Variants in PCSK6 observed in about 807,000 individuals in gnomAD.
PCSK6 encodes the protein proprotein convertase subtilisin/kexin type 6, also known as paired basic amino acid cleaving enzyme 4.
A neutral mutation model predicts 123.3 loss-of-function variants in PCSK6; 85 were observed. The ratio of observed to expected loss-of-function variants is 0.69; its 90% CI spans 0.58 to 0.83. The LOEUF (loss-of-function observed/expected upper bound fraction) is 0.83. Ranked by LOEUF, PCSK6 falls within the 40% of genes least tolerant of loss-of-function variation. The pLI is 0.00. For missense variants in PCSK6, 1,191 were observed against 1,282.3 expected, an observed-to-expected ratio of 0.93 and a Z score of 1.09; for synonymous variants, 508 against 516.0, an observed-to-expected ratio of 0.98 and a Z score of 0.21.
intron 11 of PCSK6, among the ~76,000 whole-genome samples, chr15:101,371,515 G>A (rs1221059261): frequency 6.6e-6 from 1 of 152,220 alleles, no homozygotes; most frequent in Non-Finnish European, 1.5e-5. Context: ...ATTGAAAATA[G>A]AAGTCACAAT....
intron 13 of PCSK6, chr15:101,336,986 C>G (rs1976033): frequency 1.3e-5 from 2 of 151,778 alleles, no homozygotes; most frequent in South Asian, 2.1e-4. Context: ...CAATGGTAAT[C>G]TGGGAGACAT....
chr15:101,346,772 G>C lies in PCSK6; in HGVS notation c.1859-14741C>G, dbSNP rs538915949. On this transcript the variant is annotated intron_variant, in intron 13 of 21. Coordinates refer to ENST00000611716, the MANE Select transcript of PCSK6 (RefSeq NM_002570.5). ...TTTAGTATTTTATTTGCAAAAATTA[G>C]CTATGAGGTGAGACAAAGGTCATCT... 46 of 1,230,238 alleles carry C rather than the reference G, an allele frequency of 3.7e-5. No homozygotes were observed. The South Asian group carries it at 1.5e-3, about 39-fold the overall frequency. The allele number at this position is 1,230,238 out of a possible 1,614,324, so 76.2% of individuals were successfully genotyped here.
At chr15:101,375,401 A>C (rs2041705551) in intron 11 of PCSK6, among the ~76,000 whole-genome samples, 1 of 152,232 alleles carries the variant, frequency 6.6e-6, no homozygotes, top group Admixed American at 6.5e-5. Context: ...GTCATGCTTA[A>C]ATTTATAGCA....
At chr15:101,400,462 T>C (rs1054584269) in intron 6 of PCSK6, among the ~76,000 whole-genome samples, 5 of 152,216 alleles carry the variant, frequency 3.3e-5, no homozygotes, top group Non-Finnish European at 5.9e-5. Context: ...CAACACGTAG[T>C]GCATACTCAA....
intron 2 of PCSK6, among the ~76,000 whole-genome samples, chr15:101,441,313 G>A (rs1363104423): frequency 2.6e-5 from 4 of 152,176 alleles, no homozygotes; most frequent in African/African-American, 9.6e-5. Flanking sequence ...AGCAGCTCAG[G>A]TGCTGCAGAG....
chr15:101,313,446 A>G lies in PCSK6; in HGVS notation c.2629T>C (p.Cys877Arg), dbSNP rs752475732. The G allele has an allele frequency of 8.1e-6, 13 of 1,612,222 alleles. No homozygotes were observed. Among genetic ancestry groups the G allele is most frequent in the Non-Finnish European group, 1.1e-5 (13 of 1,179,818 alleles). The change falls in exon 20 of 22, where the codon TGT (cysteine) becomes CGT (arginine). Residue 877 changes from cysteine (C) to arginine (R), a missense_variant. By Grantham distance (180) the Cys-to-Arg change is radical. This residue lies in a region of PCSK6 where 630 missense variants were observed against 631.4 expected (regional missense o/e 1.00). Coordinates refer to ENST00000611716, the MANE Select transcript of PCSK6 (RefSeq NM_002570.5). ...AKNFHFHDWKCVPACGEGFYP... is the reference protein window; with the variant it reads ...AKNFHFHDWKRVPACGEGFYP... ...AAGCCCTCACCACAGGCTGGCACAC[A>G]CTTCCAGTCGTGGAAGTGGAAGTTT...
At chr15:101,459,959 T>C (rs116216779) in intron 1 of PCSK6, among the ~76,000 whole-genome samples, 1,613 of 152,250 alleles carry the variant, frequency 0.011, 24 homozygotes, top group African/African-American at 0.032. Flanking sequence ...CACAGGTCTG[T>C]AAAGAAAAAT....
chr15:101,465,688 T>C (rs561706023), intron 1 of PCSK6, among the ~76,000 whole-genome samples: 83 of 50,992 alleles, frequency 1.6e-3, no homozygotes, highest in African/African-American at 6.8e-3. Context: ...GATGGGGCCG[T>C]GAGGGGGACA....
intron 13 of PCSK6, 88 bp downstream of exon 13, chr15:101,366,108 A>G (rs1157316655): frequency 7.5e-7 from 1 of 1,340,154 alleles, no homozygotes; most frequent in African/African-American, 1.5e-5. Context: ...ACAAAGAATT[A>G]TCAGAGACTC....
chr15:101,425,902 T>C (rs1007098359), intron 6 of PCSK6, among the ~76,000 whole-genome samples: 12 of 152,312 alleles, frequency 7.9e-5, no homozygotes, highest in African/African-American at 2.9e-4. Context: ...ATGCAGGTGT[T>C]ACCTACCTGT....
At chr15:101,457,049 T>C (rs901053941) in intron 1 of PCSK6, among the ~76,000 whole-genome samples, 1 of 152,170 alleles carries the variant, frequency 6.6e-6, no homozygotes, top group South Asian at 2.1e-4. Flanking sequence ...GGTGCACACC[T>C]GTAATCCCAG....
At chr15:101,451,365 G>A (rs927483447) in intron 1 of PCSK6, among the ~76,000 whole-genome samples, 10 of 152,028 alleles carry the variant, frequency 6.6e-5, no homozygotes, top group Admixed American at 1.3e-4. Flanking sequence ...CGTAGCCCTC[G>A]AGCAGGCTGC....
intron 11 of PCSK6, among the ~76,000 whole-genome samples, chr15:101,377,330 C>T (rs538107598): frequency 6.6e-5 from 10 of 152,322 alleles, no homozygotes; most frequent in South Asian, 2.1e-4. Context: ...GGTCTTCTAA[C>T]GGGTGGGCAG....
At chr15:101,438,174 A>G (rs1007051006) in intron 2 of PCSK6, among the ~76,000 whole-genome samples, 2 of 152,214 alleles carry the variant, frequency 1.3e-5, no homozygotes, top group East Asian at 1.9e-4. Context: ...CTTTGTTACA[A>G]CTGCCCCCGC....
chr15:101,361,235 T>C (rs2041214063), intron 13 of PCSK6, among the ~76,000 whole-genome samples: 2 of 152,008 alleles, frequency 1.3e-5, no homozygotes, highest in East Asian at 1.9e-4. Context: ...TCTGGAAGGT[T>C]GGCATCCTGT....
At chr15:101,356,382 T>G (rs978956873) in intron 13 of PCSK6, among the ~76,000 whole-genome samples, 1 of 151,824 alleles carries the variant, frequency 6.6e-6, no homozygotes, top group Non-Finnish European at 1.5e-5. Flanking sequence ...TGTGCTGGGC[T>G]GGGTGCAGTG....
chr15:101,390,664 C>T (rs1236526810), intron 8 of PCSK6, among the ~76,000 whole-genome samples: 3 of 152,144 alleles, frequency 2.0e-5, no homozygotes, highest in Non-Finnish European at 2.9e-5. Flanking sequence ...GAAACTCAGT[C>T]CCAGAACCAC....
intron 12 of PCSK6, among the ~76,000 whole-genome samples, chr15:101,368,850 G>T (rs1234803520): frequency 6.6e-6 from 1 of 152,106 alleles, no homozygotes; most frequent in Non-Finnish European, 1.5e-5. Context: ...CAGAAATGAG[G>T]ACTTTTAAAA....
intron 16 of PCSK6, among the ~76,000 whole-genome samples, chr15:101,325,519 C>A (rs2040233263): frequency 6.6e-6 from 1 of 152,210 alleles, no homozygotes. Flanking sequence ...CGCACCCGTG[C>A]CTGAGCCCTC....
Sources: gnomAD v4.1 joint callset for allele counts (sites outside exome capture counted in the v4.1 genomes callset) on GRCh38, gnomAD v4.1.1 for gene constraint, gnomAD v4.1.1 regional missense constraint, MANE v1.5 for transcripts, NCBI Gene and HGNC (gene_info 2026-07-23, HGNC 2026-07-21) for gene names.